The following DOCK9 variants were observed in gnomAD, a reference collection of about 807,000 sequenced individuals.
DOCK9 encodes the protein dedicator of cytokinesis 9.
In DOCK9, 89 loss-of-function variants were observed where a neutral mutation model predicts 263.3. The observed-to-expected ratio is 0.34, with a 90% CI of 0.28 to 0.40. The LOEUF (loss-of-function observed/expected upper bound fraction) is 0.40. Ranked by LOEUF, DOCK9 falls within the 10% of genes least tolerant of loss-of-function variation. The pLI, the probability that DOCK9 is intolerant of heterozygous loss-of-function variation, is 1.00. For missense variants in DOCK9, 2,140 were observed against 2,603.4 expected, an observed-to-expected ratio of 0.82 and a Z score of 3.87; for synonymous variants, 976 against 973.1, an observed-to-expected ratio of 1.00 and a Z score of -0.06.
chr13:98,954,590 T>C (rs2057808905), intron 2 of DOCK9, among the ~76,000 whole-genome samples: 1 of 152,172 alleles, frequency 6.6e-6, no homozygotes, highest in Non-Finnish European at 1.5e-5. Context: ...AGCACCCACA[T>C]TACACTACAG....
chr13:98,969,117 T>G (rs2059479832), intron 1 of DOCK9, among the ~76,000 whole-genome samples: 2 of 152,212 alleles, frequency 1.3e-5, no homozygotes, highest in Admixed American at 1.3e-4. Flanking sequence ...AGGAAGGGGT[T>G]TGACTCTGGG....
At position 98,963,651 on chromosome 13, in the gene DOCK9, C is replaced by T. The variant is rs376033330; in HGVS notation, c.127-8100G>A. Among the ~76,000 whole-genome samples the T allele has an allele frequency of 4.3e-4, 65 of 152,298 alleles. 2 individuals are homozygous for T. In the South Asian group the frequency reaches 0.013, roughly 31 times the overall value. On this transcript the variant is annotated intron_variant, in intron 1 of 52. Coordinates refer to ENST00000682017, the MANE Select transcript of DOCK9 (RefSeq NM_001366683.2). ...GAGCTATTTTAAGAAATGAGAAATT[C>T]GTCATTTCTGCTTATAAAGAATTTA...
At chr13:99,057,908 TTC>T (rs1416261373) in intron 1 of DOCK9, among the ~76,000 whole-genome samples, 1 of 152,200 alleles carries the variant, frequency 6.6e-6, no homozygotes, top group African/African-American at 2.4e-5. Context: ...TACACTGTAA[TTC>T]TGTTATGTTG....
At chr13:99,086,035 A>G (rs906602214) in intron 1 of DOCK9, among the ~76,000 whole-genome samples, 5 of 152,038 alleles carry the variant, frequency 3.3e-5, no homozygotes, top group African/African-American at 4.8e-5. Context: ...TGGGAGTTGC[A>G]GCCCCTCCAG....
chr13:98,902,378 G>C lies in DOCK9; in HGVS notation c.1290C>G (p.Thr430=). The C allele has an allele frequency of 6.2e-7, 1 of 1,614,028 alleles. No individual in the cohort carries two copies. Among genetic ancestry groups the C allele is most frequent in the South Asian group, 1.1e-5 (1 of 91,080 alleles). ...NHFSVRQMLA[T]TSPALMNGSG... is the part of the protein sequence containing the mutation. ...TGCCATTCATCAGCGCCGGGGACGT[G>C]GTGGCGAGCATTTGCCTCACTGAGA... is the stretch of plus-strand genomic sequence containing the variant. Residue 430 remains threonine, a synonymous_variant, in exon 12 of 53, where the codon ACC becomes ACG. Coordinates refer to ENST00000682017, the MANE Select transcript of DOCK9 (RefSeq NM_001366683.2).
Position 98,923,316 on chromosome 13 carries a change from C to T in DOCK9, c.472G>A (p.Val158Ile), listed in dbSNP as rs2052381031. 9 of 1,613,734 alleles carry T rather than the reference C, an allele frequency of 5.6e-6. No individual in the cohort carries two copies. The highest frequency in any genetic ancestry group is 7.6e-6 in the Non-Finnish European group (9 of 1,179,768). ...PVHVYEVDEEVDKDEDAASLG... is the reference protein window; with the variant it reads ...PVHVYEVDEEIDKDEDAASLG... Reference sequence around the variant, plus strand: ...AGGTATCCCACCTCATCTTTGTCGACCTCCTCGTCAACTTCATAGACATGA... The same window carrying T: ...AGGTATCCCACCTCATCTTTGTCGATCTCCTCGTCAACTTCATAGACATGA... The change falls in exon 5 of 53, where the codon GTC (valine) becomes ATC (isoleucine). Residue 158 changes from valine (V) to isoleucine (I), a missense_variant. Val to Ile is a conservative substitution (Grantham distance 29). Coordinates refer to ENST00000682017, the MANE Select transcript of DOCK9 (RefSeq NM_001366683.2).
chr13:98,955,138 C>T (rs534110920), intron 2 of DOCK9, among the ~76,000 whole-genome samples: 1 of 152,158 alleles, frequency 6.6e-6, no homozygotes, highest in South Asian at 2.1e-4. Context: ...GCCACCGTGG[C>T]AAAACCCTGT....
intron 37 of DOCK9, chr13:98,847,195 C>T (rs1389798229): frequency 1.3e-5 from 2 of 154,752 alleles, no homozygotes; most frequent in Admixed American, 1.3e-4. Context: ...TTCTACTTGG[C>T]ACAATATTCT....
chr13:98,891,063 C>T (rs1256929757), intron 15 of DOCK9, among the ~76,000 whole-genome samples: 1 of 152,032 alleles, frequency 6.6e-6, no homozygotes, highest in Admixed American at 6.5e-5. Context: ...CCTGTGCCTG[C>T]GGTGTGAGCT....
rs114254447 is a variant in DOCK9 at position 98,836,554 on chromosome 13, C to A, written c.4314+940G>T. Among the ~76,000 whole-genome samples, 1,396 of 152,220 alleles carry A rather than the reference C, an allele frequency of 9.2e-3. 14 individuals carry two copies. Among genetic ancestry groups the A allele is most frequent in the African/African-American group, 0.031 (1,301 of 41,526 alleles). On this transcript the variant is annotated intron_variant, in intron 39 of 52. Coordinates refer to ENST00000682017, the MANE Select transcript of DOCK9 (RefSeq NM_001366683.2). ...TGGCCCGGATACCACACTCTGAGAG[C>A]CCCTGTAGTAGAGGCTCCAGGTAAT...
Position 98,903,006 on chromosome 13 carries a change from C to G in DOCK9, c.1142G>C (p.Cys381Ser). 2 of 1,529,612 alleles carry G rather than the reference C, an allele frequency of 1.3e-6. No homozygotes were observed. The highest frequency in any genetic ancestry group is 1.8e-6 in the Non-Finnish European group (2 of 1,140,840). 94.8% of individuals were successfully genotyped at this position (1,529,612 alleles called of 1,614,324 possible). A position where few individuals can be genotyped will look rare whatever the true frequency, so the allele number is the denominator to read the frequency against. ...CNDLSFNLQC[C>S]VAENEEGPTT... ...GGGTCCTTCTTCATTTTCGGCAACA[C>G]AGCATTGCAAATTGAAAGATAAATC... The change falls in exon 11 of 53, where the codon TGT becomes TCT. Residue 381 changes from cysteine to serine, a missense_variant. Physicochemically the swap from Cys to Ser is moderately radical, Grantham distance 112. Coordinates refer to ENST00000682017, the MANE Select transcript of DOCK9 (RefSeq NM_001366683.2).
At position 98,855,400 on chromosome 13, in the gene DOCK9, C is replaced by T. The variant is rs369467703; in HGVS notation, c.3831+498G>A. ...CAGCCTGGCCAATATGGTGAAACCC[C>T]ATCTCTACTAAAAATACAAAAATTA... On this transcript the variant is annotated intron_variant, in intron 34 of 52. Coordinates refer to ENST00000682017, the MANE Select transcript of DOCK9 (RefSeq NM_001366683.2). Among the ~76,000 whole-genome samples, 217 of 152,162 alleles carry T rather than the reference C, an allele frequency of 1.4e-3. 7 individuals carry two copies. In the South Asian group the frequency reaches 0.043, roughly 30 times the overall value.
chr13:99,015,780 C>T (rs972588235), intron 1 of DOCK9: 11 of 1,301,318 alleles, frequency 8.5e-6, no homozygotes, highest in Admixed American at 3.7e-5. Flanking sequence ...TCCTGCTCAA[C>T]AGCCTGACAA....
chr13:98,853,712 T>C (rs191574499), intron 34 of DOCK9, among the ~76,000 whole-genome samples, 190 bp from the exon 35 acceptor site: 2 of 152,210 alleles, frequency 1.3e-5, no homozygotes, highest in African/African-American at 2.4e-5. Context: ...ATGCTGCCCA[T>C]GGAAGCCCTA....
intron 15 of DOCK9, among the ~76,000 whole-genome samples, chr13:98,896,906 G>A (rs1279977275): frequency 6.6e-6 from 1 of 152,180 alleles, no homozygotes; most frequent in Non-Finnish European, 1.5e-5. Flanking sequence ...CAGTTAAGAT[G>A]AGGTCACTAG....
At chr13:98,902,583 G>C (rs1282208772) in intron 11 of DOCK9, 92 bp from the exon 12 acceptor site, 1 of 1,229,216 alleles carries the variant, frequency 8.1e-7, no homozygotes, top group African/African-American at 1.5e-5. Context: ...GACCTATTTA[G>C]GACTGTTGCC....
In DOCK9 at chr13:98,897,565, T is replaced by C. The variant is rs1312345602; in HGVS notation, c.1632A>G (p.Arg544=). ...TGTCTTGCCTGTAGATGGCAGAAAA[T>C]CTGGCATTTTTGTCAAGATTTCCAG... ...DASGNLDKNA[R]FSAIYRQDSN... Residue 544 remains arginine (R), a synonymous_variant, in exon 15 of 53, where the codon AGA becomes AGG. Transcript: ENST00000682017. 4 of 1,613,828 alleles carry C rather than the reference T, an allele frequency of 2.5e-6. No individual in the cohort carries two copies. The highest frequency in any genetic ancestry group is 3.4e-6 in the Non-Finnish European group (4 of 1,179,862).
chr13:98,795,541 T>C (rs763389171), intron 52 of DOCK9, among the ~76,000 whole-genome samples: 2 of 152,206 alleles, frequency 1.3e-5, no homozygotes, highest in Non-Finnish European at 2.9e-5. Flanking sequence ...AATATCCCTG[T>C]ACTTTGGGAG....
At chr13:98,817,451 C>CTTTCT (rs2091948215) in intron 45 of DOCK9, among the ~76,000 whole-genome samples, 2 of 97,632 alleles carry the variant, frequency 2.0e-5, no homozygotes, top group Admixed American at 1.3e-4. Flanking sequence ...ATACACCCAG[C>CTTTCT]TTTTTTTTTT....
Sources: gnomAD v4.1 joint callset for allele counts (sites outside exome capture counted in the v4.1 genomes callset) on GRCh38, gnomAD v4.1.1 for gene constraint, MANE v1.5 for transcripts, NCBI Gene and HGNC (gene_info 2026-07-23, HGNC 2026-07-21) for gene names.